Variants in PACRG observed in about 807,000 individuals in gnomAD.
The protein encoded by PACRG is parkin coregulated gene protein.
In PACRG, 29 loss-of-function variants were observed where a neutral mutation model predicts 29.7. The ratio of observed to expected loss-of-function variants is 0.98; its 90% CI spans 0.73 to 1.33. The LOEUF (loss-of-function observed/expected upper bound fraction) is 1.33, where lower values mean the gene tolerates loss of function less well. Among genes scored for constraint, PACRG ranks in the 40% most tolerant of loss-of-function variants. The pLI, the probability that PACRG is intolerant of heterozygous loss-of-function variation, is 0.00. For missense variants in PACRG, 279 were observed against 316.2 expected, an observed-to-expected ratio of 0.88 and a Z score of 0.89; for synonymous variants, 116 against 118.7, an observed-to-expected ratio of 0.98 and a Z score of 0.15.
intron 1 of PACRG, 64 bp downstream of exon 1, chr6:162,728,455 T>C (rs1316848794): frequency 6.3e-7 from 1 of 1,575,074 alleles, no homozygotes; most frequent in Non-Finnish European, 8.6e-7. Context: ...TTTACAGAGG[T>C]TGGCCAGCCT....
intron 2 of PACRG, among the ~76,000 whole-genome samples, chr6:162,983,854 TG>T (rs2128175147): frequency 6.6e-6 from 1 of 152,126 alleles, no homozygotes; most frequent in African/African-American, 2.4e-5. Flanking sequence ...TGTCTAGAAC[TG>T]AAGTGAGGCC....
At chr6:163,180,044 T>C (rs1779580162) in intron 4 of PACRG, among the ~76,000 whole-genome samples, 1 of 152,270 alleles carries the variant, frequency 6.6e-6, no homozygotes, top group Non-Finnish European at 1.5e-5. Flanking sequence ...GTGGTCTTTC[T>C]GAAGACGACA....
In PACRG at chr6:162,920,018, A is replaced by G. The variant is rs191437391; in HGVS notation, c.291+105737A>G. On this transcript the variant is annotated intron_variant, in intron 2 of 4. Transcript: ENST00000366888. ...CCCCATGTAGTCTTGGCCAGAGCGG[A>G]CTCTTCCAGTCTCAGCTCTTGATAC... Among the ~76,000 whole-genome samples, 318 of 152,128 alleles carry G rather than the reference A, an allele frequency of 2.1e-3. 1 individual carries two copies. Among genetic ancestry groups the G allele is most frequent in the African/African-American group, 7.4e-3 (308 of 41,502 alleles).
At chr6:163,296,546 G>T (rs537540812) in intron 4 of PACRG, among the ~76,000 whole-genome samples, 1 of 152,186 alleles carries the variant, frequency 6.6e-6, no homozygotes, top group Non-Finnish European at 1.5e-5. Context: ...ACTCACCTCG[G>T]CCTCCAAAAG....
intron 2 of PACRG, among the ~76,000 whole-genome samples, chr6:162,828,224 C>T (rs1394729745): frequency 1.3e-5 from 2 of 152,084 alleles, no homozygotes; most frequent in Non-Finnish European, 2.9e-5. Context: ...CTTTTGGTAG[C>T]TCTATTTATT....
In PACRG at chr6:162,944,003, G is replaced by C. The variant is rs890781804; in HGVS notation, c.292-118147G>C. 7.9e-5 allele frequency among the ~76,000 whole-genome samples: 12 copies of C among 152,160 alleles called. 1 individual carries two copies. The highest frequency in any genetic ancestry group is 2.9e-4 in the African/African-American group (12 of 41,426). ...CAGCTGGCACCGGAGAAAGCCACCTGGAGGCCCAAGAATATGCCTGCCTGG... is the reference window on the plus strand; with the variant it reads ...CAGCTGGCACCGGAGAAAGCCACCTCGAGGCCCAAGAATATGCCTGCCTGG... On this transcript the variant is annotated intron_variant, in intron 2 of 4. Coordinates refer to ENST00000366888, the MANE Select transcript of PACRG (RefSeq NM_001080379.2).
At chr6:163,137,049 C>T (rs1585255818) in intron 4 of PACRG, among the ~76,000 whole-genome samples, 1 of 152,246 alleles carries the variant, frequency 6.6e-6, no homozygotes, top group East Asian at 1.9e-4. Context: ...TTTAACTATT[C>T]TGAGATATAA....
chr6:162,942,482 C>G (rs1489323563), intron 2 of PACRG, among the ~76,000 whole-genome samples: 1 of 152,078 alleles, frequency 6.6e-6, no homozygotes, highest in East Asian at 1.9e-4. Flanking sequence ...TTCCCCTATT[C>G]AGTGTGGATA....
intron 4 of PACRG, among the ~76,000 whole-genome samples, chr6:163,262,552 T>C (rs1194868356): frequency 6.6e-6 from 1 of 151,972 alleles, no homozygotes; most frequent in Non-Finnish European, 1.5e-5. Context: ...TCTAATAATA[T>C]ATCACAAATT....
chr6:163,023,750 C>T (rs1007058522), intron 2 of PACRG, among the ~76,000 whole-genome samples: 2 of 152,078 alleles, frequency 1.3e-5, no homozygotes, highest in Non-Finnish European at 2.9e-5. Context: ...TGTTTTTTGA[C>T]TTTTTAATAA....
chr6:162,995,674 G>C lies in PACRG; in HGVS notation c.292-66476G>C, dbSNP rs560993225. On this transcript the variant is annotated intron_variant, in intron 2 of 4. Coordinates refer to ENST00000366888, the MANE Select transcript of PACRG (RefSeq NM_001080379.2). ...CTAGTGAGATGAACCCGGTACCTCCGATGGAAATGCAGAAATCACCCGTCT... is the reference window on the plus strand; with the variant it reads ...CTAGTGAGATGAACCCGGTACCTCCCATGGAAATGCAGAAATCACCCGTCT... 3.9e-5 allele frequency among the ~76,000 whole-genome samples: 6 copies of C among 152,216 alleles called. No individual in the cohort carries two copies. In the East Asian group the frequency reaches 1.2e-3, roughly 29 times the overall value.
chr6:162,929,991 A>G (rs558082480), intron 2 of PACRG, among the ~76,000 whole-genome samples: 22 of 152,050 alleles, frequency 1.4e-4, no homozygotes, highest in Non-Finnish European at 2.8e-4. Context: ...GCTTCGTAAT[A>G]TATATTGAAT....
At chr6:163,038,573 CTGGCTCAT>C (rs1208535954) in intron 2 of PACRG, among the ~76,000 whole-genome samples, 1 of 152,174 alleles carries the variant, frequency 6.6e-6, no homozygotes, top group African/African-American at 2.4e-5. Context: ...CATTTGAGAA[CTGGCTCAT>C]TGGTTAATTA....
chr6:163,212,367 T>A (rs925144646), intron 4 of PACRG, among the ~76,000 whole-genome samples: 2 of 152,136 alleles, frequency 1.3e-5, no homozygotes, highest in Admixed American at 6.5e-5. Flanking sequence ...GGTACCTGGA[T>A]TTTGGTTTCT....
chr6:162,782,210 T>C (rs2128314732), intron 1 of PACRG, among the ~76,000 whole-genome samples: 1 of 152,012 alleles, frequency 6.6e-6, no homozygotes, highest in African/African-American at 2.4e-5. Context: ...ATCAAGAAGA[T>C]GTAACAATTC....
chr6:163,305,750 G>C (rs1198620196), intron 4 of PACRG, among the ~76,000 whole-genome samples: 1 of 152,170 alleles, frequency 6.6e-6, no homozygotes, highest in African/African-American at 2.4e-5. Context: ...AGTAAAGATA[G>C]TGTAATAGTC....
At chr6:163,176,917 G>C (rs1779389538) in intron 4 of PACRG, among the ~76,000 whole-genome samples, 1 of 152,222 alleles carries the variant, frequency 6.6e-6, no homozygotes, top group Non-Finnish European at 1.5e-5. Context: ...ACAGTCAGCT[G>C]TCGTTGAATA....
intron 4 of PACRG, among the ~76,000 whole-genome samples, chr6:163,160,564 A>C (rs1778514623): frequency 6.6e-6 from 1 of 152,232 alleles, no homozygotes; most frequent in Non-Finnish European, 1.5e-5. Flanking sequence ...GAATTAATAA[A>C]TGGCATACCT....
At position 163,062,231 on chromosome 6, in the gene PACRG, T is replaced by A; in HGVS notation, c.373T>A (p.Phe125Ile). The A allele has an allele frequency of 1.2e-6, 2 of 1,614,088 alleles. No homozygotes were observed. The highest frequency in any genetic ancestry group is 1.7e-5 in the Admixed American group (1 of 60,018). Reference sequence around the variant, plus strand: ...TTGTGAAATGACATTTCCCTATGAGTTTTTTGCTCGGCAAGGAATCCACGA... The same window carrying A: ...TTGTGAAATGACATTTCCCTATGAGATTTTTGCTCGGCAAGGAATCCACGA... The part of the protein sequence containing the change: ...GLCEMTFPYE[F>I]FARQGIHDML... Residue 125 changes from phenylalanine (F) to isoleucine (I), a missense_variant, in exon 3 of 5, where the codon TTT (phenylalanine) becomes ATT (isoleucine). Physicochemically the swap from Phe to Ile is conservative, Grantham distance 21 (BLOSUM62 0). Coordinates refer to ENST00000366888, the MANE Select transcript of PACRG (RefSeq NM_001080379.2).
Sources: allele counts gnomAD v4.1 joint callset (sites outside exome capture counted in the v4.1 genomes callset), GRCh38; gene constraint gnomAD v4.1.1; transcripts MANE v1.5; gene names NCBI Gene and HGNC (gene_info 2026-07-23, HGNC 2026-07-21).